Variants in OSBPL2 observed in about 807,000 individuals in gnomAD.
The protein encoded by OSBPL2 is oxysterol binding protein like 2.
A neutral mutation model predicts 58.4 loss-of-function variants in OSBPL2; 18 were observed. The ratio of observed to expected loss-of-function variants is 0.31; its 90% CI spans 0.21 to 0.46. The LOEUF (loss-of-function observed/expected upper bound fraction) is 0.46, where lower values mean the gene tolerates loss of function less well. OSBPL2 is among the 20% of genes least tolerant of loss of function. OSBPL2 has a pLI of 1.00. For synonymous variants in OSBPL2, 221 were observed against 234.1 expected, an observed-to-expected ratio of 0.94 and a Z score of 0.51; for missense variants, 461 against 616.5, an observed-to-expected ratio of 0.75 and a Z score of 2.67.
chr20:62,257,831 C>T (rs1981032550), intron 2 of OSBPL2, among the ~76,000 whole-genome samples: 1 of 151,942 alleles, frequency 6.6e-6, no homozygotes, highest in Non-Finnish European at 1.5e-5. Context: ...TCTCCTGCCT[C>T]AGCCTCCCAA....
At chr20:62,264,952 GC>G (rs1322534967) in intron 4 of OSBPL2, among the ~76,000 whole-genome samples, 1 of 152,192 alleles carries the variant, frequency 6.6e-6, no homozygotes. Context: ...AGGTACCCTT[GC>G]CAGGGCCTTG....
At chr20:62,287,300 T>C (rs1983200944) in intron 11 of OSBPL2, among the ~76,000 whole-genome samples, 1 of 152,248 alleles carries the variant, frequency 6.6e-6, no homozygotes, top group Admixed American at 6.5e-5. Flanking sequence ...TTCTTATTTG[T>C]ATATAAAATT....
chr20:62,263,367 G>A (rs1981444371), intron 3 of OSBPL2, among the ~76,000 whole-genome samples: 1 of 152,132 alleles, frequency 6.6e-6, no homozygotes, highest in African/African-American at 2.4e-5. Flanking sequence ...AACAACAGCA[G>A]GGCCACTGCG....
At chr20:62,292,763 A>G (rs1378442754) in intron 13 of OSBPL2, among the ~76,000 whole-genome samples, 1 of 152,106 alleles carries the variant, frequency 6.6e-6, no homozygotes, top group Admixed American at 6.5e-5. Context: ...GCGTTTTGAA[A>G]CCAATTCTCA....
At chr20:62,293,715 C>T in intron 13 of OSBPL2, 70 bp from the exon 14 acceptor site, 4 of 1,396,568 alleles carry the variant, frequency 2.9e-6, no homozygotes, top group Non-Finnish European at 4.0e-6. Flanking sequence ...CACACTCCTG[C>T]ACCCAGAACA....
chr20:62,281,223 C>T (rs1568848296), intron 8 of OSBPL2, 58 bp downstream of exon 8: 16 of 1,287,862 alleles, frequency 1.2e-5, no homozygotes, highest in South Asian at 4.8e-5. Flanking sequence ...ATGGGCGAGC[C>T]GGGGAGCGTG....
intron 1 of OSBPL2, among the ~76,000 whole-genome samples, chr20:62,244,513 G>A (rs536592242): frequency 3.3e-5 from 5 of 152,256 alleles, no homozygotes; most frequent in South Asian, 2.1e-4. Flanking sequence ...CTCGTGGGCC[G>A]CATTGGAACA....
chr20:62,259,491 G>A (rs1981152490), intron 2 of OSBPL2, among the ~76,000 whole-genome samples: 1 of 152,214 alleles, frequency 6.6e-6, no homozygotes, highest in Admixed American at 6.5e-5. Flanking sequence ...TCTGGGTACA[G>A]TTTAGTGGTG....
intron 4 of OSBPL2, among the ~76,000 whole-genome samples, chr20:62,268,189 G>A (rs186626965): frequency 8.6e-5 from 13 of 151,910 alleles, no homozygotes; most frequent in African/African-American, 2.4e-4. Flanking sequence ...GAGCCACCGC[G>A]CCCGGCCAAA....
chr20:62,281,693 G>A lies in OSBPL2; in HGVS notation c.783-97G>A, dbSNP rs1182567016. 9.4e-6 allele frequency: 8 copies of A among 848,604 alleles called. No homozygotes were observed. The African/African-American group carries it at 1.2e-4, about 12-fold the overall frequency. 52.6% of individuals were successfully genotyped at this position (848,604 alleles called of 1,614,324 possible). On this transcript the variant is annotated intron_variant, in intron 8 of 13. Coordinates refer to ENST00000313733, the MANE Select transcript of OSBPL2 (RefSeq NM_144498.4). ...ACCCATTTGCAGTCACCCCCCGCCT[G>A]CCCCAGGGGCCTCCACCGCGCTTCT...
chr20:62,290,077 G>A (rs1411609308), intron 12 of OSBPL2, among the ~76,000 whole-genome samples: 2 of 152,202 alleles, frequency 1.3e-5, no homozygotes, highest in Admixed American at 1.3e-4. Flanking sequence ...GGCGTGTCCT[G>A]CAGCCTCACA....
intron 1 of OSBPL2, among the ~76,000 whole-genome samples, chr20:62,246,140 G>A (rs1412985241): frequency 1.3e-5 from 2 of 152,240 alleles, no homozygotes; most frequent in African/African-American, 2.4e-5. Flanking sequence ...CGCTGCTGCC[G>A]CCGCCTCCAT....
At chr20:62,281,287 C>G in intron 8 of OSBPL2, 122 bp downstream of exon 8, 1 of 668,252 alleles carries the variant, frequency 1.5e-6, no homozygotes, top group Non-Finnish European at 2.7e-6. Context: ...GCTGCCGTGT[C>G]CCCGCCAGCC....
At chr20:62,268,049 A>ATTTTTTTTTTTTTTTTTTTT (rs149417240) in intron 4 of OSBPL2, among the ~76,000 whole-genome samples, 1 of 116,188 alleles carries the variant, frequency 8.6e-6, no homozygotes, top group Non-Finnish European at 1.8e-5. Flanking sequence ...TGCCCGGCTA[A>ATTTTTTTTTTTTTTTTTTTT]TTTTTTTTTT....
chr20:62,286,834 C>A, intron 11 of OSBPL2, 123 bp downstream of exon 11: 1 of 1,178,326 alleles, frequency 8.5e-7, no homozygotes. Context: ...GCCTGTTGTC[C>A]CAGAGCAGAC....
chr20:62,289,073 G>A (rs1167771050), intron 11 of OSBPL2, 134 bp from the exon 12 acceptor site: 6 of 890,082 alleles, frequency 6.7e-6, no homozygotes, highest in East Asian at 2.6e-5. Flanking sequence ...GGTGGAAGAC[G>A]TGAGCGGAAG....
chr20:62,247,988 C>A (rs1429462015), intron 1 of OSBPL2, among the ~76,000 whole-genome samples: 1 of 151,890 alleles, frequency 6.6e-6, no homozygotes, highest in Non-Finnish European at 1.5e-5. Context: ...TAAGACAGAA[C>A]CCCATCGTTG....
intron 4 of OSBPL2, among the ~76,000 whole-genome samples, chr20:62,266,979 G>A (rs1019523178): frequency 6.6e-6 from 1 of 152,322 alleles, no homozygotes. Context: ...CAGGCCAGGC[G>A]TGCGACGGCT....
intron 13 of OSBPL2, among the ~76,000 whole-genome samples, chr20:62,292,489 T>A (rs1228528904): frequency 6.6e-6 from 1 of 152,264 alleles, no homozygotes; most frequent in Non-Finnish European, 1.5e-5. Context: ...TGCTGGGACA[T>A]GATTCCTGTT....
Sources: allele counts gnomAD v4.1 joint callset (sites outside exome capture counted in the v4.1 genomes callset), GRCh38; gene constraint gnomAD v4.1.1; transcripts MANE v1.5; gene names NCBI Gene and HGNC (gene_info 2026-07-23, HGNC 2026-07-21).